RBFOX1: variants seen among roughly 807,000 people sequenced by gnomAD.
RBFOX1 encodes the protein RNA binding fox-1 homolog 1.
In RBFOX1, 8 loss-of-function variants were observed where a neutral mutation model predicts 57.7. The observed-to-expected ratio is 0.14, with a 90% CI of 0.08 to 0.25. The LOEUF is 0.25. Among genes scored for constraint, RBFOX1 ranks in the 10% least tolerant of loss-of-function variants. RBFOX1 has a pLI of 1.00. For missense variants in RBFOX1, 611 were observed against 548.5 expected, an observed-to-expected ratio of 1.11 and a Z score of -1.14; for synonymous variants, 326 against 222.4, an observed-to-expected ratio of 1.47 and a Z score of -4.15.
intron 4 of RBFOX1, among the ~76,000 whole-genome samples, chr16:7,256,802 C>A (rs929859570): frequency 6.6e-6 from 1 of 152,136 alleles, no homozygotes; most frequent in African/African-American, 2.4e-5. Flanking sequence ...GGACCAGTCA[C>A]CAGCTCTCTC....
At chr16:6,369,057 G>A (rs1423642148) in intron 2 of RBFOX1, among the ~76,000 whole-genome samples, 1 of 152,046 alleles carries the variant, frequency 6.6e-6, no homozygotes, top group Non-Finnish European at 1.5e-5. Context: ...AAACAAATTA[G>A]TATATTTCTT....
chr16:6,497,390 C>G (rs1398739697), intron 2 of RBFOX1, among the ~76,000 whole-genome samples: 1 of 152,086 alleles, frequency 6.6e-6, no homozygotes, highest in Non-Finnish European at 1.5e-5. Context: ...TTCTTCATTT[C>G]TCAGCTACTT....
intron 4 of RBFOX1, among the ~76,000 whole-genome samples, chr16:7,428,662 C>T (rs1317043708): frequency 1.3e-5 from 2 of 151,768 alleles, no homozygotes; most frequent in African/African-American, 2.4e-5. Context: ...TGAGTCACTG[C>T]ACCTGACCAG....
chr16:5,408,323 C>G (rs1409301458), intron 1 of RBFOX1, among the ~76,000 whole-genome samples: 1 of 152,230 alleles, frequency 6.6e-6, no homozygotes, highest in Non-Finnish European at 1.5e-5. Flanking sequence ...CTGGATTTCC[C>G]AATTTCGTGT....
intron 3 of RBFOX1, among the ~76,000 whole-genome samples, chr16:7,032,511 C>G (rs1427125018): frequency 6.6e-6 from 1 of 151,932 alleles, no homozygotes; most frequent in Non-Finnish European, 1.5e-5. Flanking sequence ...AAAAATAAAA[C>G]CTATGGTCAT....
intron 11 of RBFOX1, among the ~76,000 whole-genome samples, chr16:7,645,937 CCCA>C (rs2063652301): frequency 6.7e-6 from 1 of 148,668 alleles, no homozygotes; most frequent in African/African-American, 2.5e-5. Flanking sequence ...TTCTCCCCCA[CCCA>C]CCACCCACCC....
chr16:7,362,210 T>G (rs1219950581), intron 4 of RBFOX1, among the ~76,000 whole-genome samples: 1 of 150,634 alleles, frequency 6.6e-6, no homozygotes, highest in Non-Finnish European at 1.5e-5. Flanking sequence ...ATTGTGTTTG[T>G]TTTTTATGTG....
At chr16:6,982,067 A>G (rs1164365932) in intron 3 of RBFOX1, among the ~76,000 whole-genome samples, 1 of 152,198 alleles carries the variant, frequency 6.6e-6, no homozygotes, top group Non-Finnish European at 1.5e-5. Flanking sequence ...TTTTCATGAT[A>G]TACTCATGTT....
intron 3 of RBFOX1, among the ~76,000 whole-genome samples, chr16:7,050,098 A>C (rs1038756294): frequency 2.0e-5 from 3 of 151,438 alleles, no homozygotes; most frequent in African/African-American, 7.3e-5. Flanking sequence ...CAGTTTATGG[A>C]GACATAATTT....
In RBFOX1 at chr16:6,636,806, AATATATAATATATAATATATGTT is replaced by A. The variant is rs1567981924; in HGVS notation, c.-63-17776_-63-17754del. On this transcript the variant is annotated intron_variant, in intron 2 of 15. Coordinates refer to ENST00000550418, the MANE Select transcript of RBFOX1 (RefSeq NM_018723.4). ...ATAATATATAATATATGTTATATAT[AATATATAATATATAATATATGTT>A]ATATATAATATATAATATATATAAT... 1.5e-3 allele frequency among the ~76,000 whole-genome samples: 16 copies of A among 10,334 alleles called. 1 individual carries two copies. The Non-Finnish European group carries it at 0.03, about 19-fold the overall frequency. The allele number at this position is 10,334 out of a possible 152,430, so 6.8% of individuals were successfully genotyped here. A position where few individuals can be genotyped will look rare whatever the true frequency, so the allele number is the denominator to read the frequency against.
chr16:7,177,287 T>C (rs1338874838), intron 4 of RBFOX1, among the ~76,000 whole-genome samples: 4 of 152,136 alleles, frequency 2.6e-5, no homozygotes, highest in Admixed American at 2.6e-4. Context: ...AAAGTGTCAG[T>C]TCTACAAGCA....
intron 2 of RBFOX1, among the ~76,000 whole-genome samples, chr16:6,487,673 T>TAAAAAAAAAA (rs777856402): frequency 7.7e-5 from 3 of 38,784 alleles, no homozygotes; most frequent in African/African-American, 2.7e-4. Context: ...GTGATATATG[T>TAAAAAAAAAA]AAAAAAAAAA....
rs115201115 is a variant in RBFOX1 at position 5,660,407 on chromosome 16, C to G, written c.318+61446C>G. On this transcript the variant is annotated intron_variant, in intron 3 of 19. Transcript: ENST00000641259. ...GGGTCTTTGGCTCATCATTTTATAA[C>G]TGGGACTCAAGGAGAGATACTGTCC... is the stretch of plus-strand genomic sequence containing the variant. 9.7e-3 allele frequency among the ~76,000 whole-genome samples: 1,479 copies of G among 152,270 alleles called. 23 individuals are homozygous for G. The highest frequency in any genetic ancestry group is 0.034 in the African/African-American group (1,410 of 41,544).
At chr16:5,349,824 C>T (rs370455965) in intron 1 of RBFOX1, among the ~76,000 whole-genome samples, 12 of 152,378 alleles carry the variant, frequency 7.9e-5, no homozygotes, top group African/African-American at 2.6e-4. Flanking sequence ...GGCCCACGCC[C>T]TGCTCTGAGC....
chr16:5,818,850 G>C (rs1567582823), intron 3 of RBFOX1, among the ~76,000 whole-genome samples: 2 of 152,152 alleles, frequency 1.3e-5, no homozygotes, highest in African/African-American at 4.8e-5. Flanking sequence ...GTGGGAGAGA[G>C]GACTCCTTTT....
rs9939947 is a variant in RBFOX1 at position 6,011,956 on chromosome 16, C to T, written c.351+144621C>T. On this transcript the variant is annotated intron_variant, in intron 4 of 19. Coordinates refer to the RBFOX1 transcript ENST00000641259. ...AACTACAATATTTGTAAGGTGGCAT[C>T]GCCCACACCATCTTGCATTTCTTCA... Among the ~76,000 whole-genome samples the T allele has an allele frequency of 4.2e-3, 644 of 152,288 alleles. 3 individuals carry two copies. Among genetic ancestry groups the T allele is most frequent in the African/African-American group, 0.013 (535 of 41,552 alleles).
At chr16:7,435,623 T>C (rs932264173) in intron 4 of RBFOX1, among the ~76,000 whole-genome samples, 35 of 152,156 alleles carry the variant, frequency 2.3e-4, no homozygotes, top group African/African-American at 8.0e-4. Flanking sequence ...AAATGCAAGA[T>C]GAACTATTGC....
intron 2 of RBFOX1, among the ~76,000 whole-genome samples, chr16:5,585,193 A>G (rs1254864719): frequency 6.6e-6 from 1 of 152,162 alleles, no homozygotes; most frequent in Non-Finnish European, 1.5e-5. Context: ...GTCCCTGGAA[A>G]TCACTAATCT....
chr16:5,653,568 C>A (rs2049322099), intron 3 of RBFOX1, among the ~76,000 whole-genome samples: 1 of 152,056 alleles, frequency 6.6e-6, no homozygotes, highest in African/African-American at 2.4e-5. Flanking sequence ...CGTATGCGGG[C>A]CTGGGGTGAT....
Sources: gnomAD v4.1 joint callset for allele counts (sites outside exome capture counted in the v4.1 genomes callset) on GRCh38, gnomAD v4.1.1 for gene constraint, MANE v1.5 for transcripts, NCBI Gene and HGNC (gene_info 2026-07-23, HGNC 2026-07-21) for gene names.